Variants in MAGI2 observed in about 807,000 individuals in gnomAD.
MAGI2 encodes the protein membrane-associated guanylate kinase, WW and PDZ domain-containing protein 2.
In MAGI2, 35 loss-of-function variants were observed where a neutral mutation model predicts 133.3. The ratio of observed to expected loss-of-function variants is 0.26; its 90% CI spans 0.20 to 0.35. The LOEUF is 0.35. Among genes scored for constraint, MAGI2 ranks in the 10% least tolerant of loss-of-function variants. The pLI, the probability that MAGI2 is intolerant of heterozygous loss-of-function variation, is 1.00. For missense variants in MAGI2, 1,636 were observed against 1,863.4 expected, an observed-to-expected ratio of 0.88 and a Z score of 2.25; for synonymous variants, 729 against 710.6, an observed-to-expected ratio of 1.03 and a Z score of -0.41.
In MAGI2 at chr7:79,252,484, G is replaced by A. The variant is rs556655018; in HGVS notation, c.301+200536C>T. 4.0e-4 allele frequency among the ~76,000 whole-genome samples: 61 copies of A among 152,188 alleles called. 1 individual carries two copies. The highest frequency in any genetic ancestry group is 1.3e-3 in the African/African-American group (56 of 41,526). On this transcript the variant is annotated intron_variant, in intron 1 of 21. Coordinates refer to ENST00000354212, the MANE Select transcript of MAGI2 (RefSeq NM_012301.4). ...TGAGAGGAGTGGTAGGAAGGGGAAT[G>A]GTTAATGGGTACAAAAATATAATTA... is the stretch of plus-strand genomic sequence containing the variant.
At chr7:78,263,414 C>A (rs1018188701) in intron 9 of MAGI2, among the ~76,000 whole-genome samples, 2 of 152,142 alleles carry the variant, frequency 1.3e-5, no homozygotes, top group Admixed American at 1.3e-4. Flanking sequence ...GAGATTCTTA[C>A]CATCTATTGT....
intron 2 of MAGI2, among the ~76,000 whole-genome samples, chr7:78,932,501 T>C (rs1800213286): frequency 6.6e-6 from 1 of 151,240 alleles, no homozygotes; most frequent in African/African-American, 2.4e-5. Flanking sequence ...GAACAGAAGT[T>C]AATGAAAAAT....
intron 20 of MAGI2, among the ~76,000 whole-genome samples, chr7:78,124,140 T>C (rs1385363279): frequency 6.6e-6 from 1 of 152,206 alleles, no homozygotes; most frequent in Non-Finnish European, 1.5e-5. Context: ...TCTGGCCATT[T>C]TGCACATGGT....
chr7:79,329,567 G>T (rs1839920393), intron 1 of MAGI2, among the ~76,000 whole-genome samples: 1 of 152,154 alleles, frequency 6.6e-6, no homozygotes, highest in South Asian at 2.1e-4. Context: ...TACTTTGACT[G>T]CATAATGTTC....
chr7:78,564,280 C>G (rs1422454070), intron 3 of MAGI2, among the ~76,000 whole-genome samples: 1 of 152,160 alleles, frequency 6.6e-6, no homozygotes, highest in Non-Finnish European at 1.5e-5. Flanking sequence ...AGGCATTAAT[C>G]TGATTTAATC....
intron 2 of MAGI2, among the ~76,000 whole-genome samples, chr7:78,655,452 A>AC (rs1563304903): frequency 2.9e-5 from 2 of 68,408 alleles, no homozygotes; most frequent in East Asian, 4.1e-4. Context: ...AAAAAAAACA[A>AC]CCAAAAAAAA....
chr7:79,235,383 C>A (rs1283081799), intron 1 of MAGI2, among the ~76,000 whole-genome samples: 4 of 152,048 alleles, frequency 2.6e-5, no homozygotes, highest in Admixed American at 6.5e-5. Flanking sequence ...GCGGGCGCCC[C>A]TCCCCCAGCC....
chr7:78,073,349 G>A (rs371080993), intron 21 of MAGI2, among the ~76,000 whole-genome samples: 3 of 151,636 alleles, frequency 2.0e-5, no homozygotes, highest in African/African-American at 7.3e-5. Context: ...ATTAGTTGTC[G>A]CTGGGCCATT....
chr7:78,359,683 T>C (rs560857541), intron 7 of MAGI2, among the ~76,000 whole-genome samples: 108 of 152,284 alleles, frequency 7.1e-4, no homozygotes, highest in Non-Finnish European at 1.3e-3. Context: ...AAAAGAATGG[T>C]AATATATGTT....
chr7:79,054,978 A>G (rs1043119323), intron 1 of MAGI2, among the ~76,000 whole-genome samples: 1 of 152,140 alleles, frequency 6.6e-6, no homozygotes, highest in African/African-American at 2.4e-5. Flanking sequence ...TTTTTAGTAA[A>G]GACGGGGTTT....
rs35069216 is a variant in MAGI2, at chr7:78,564,783, CTTTTTTTTT to C, written c.539-43147_539-43139del. Reference sequence around the variant, plus strand: ...TACTTCATCTCATCTCTTTGACATTCTTTTTTTTTTTTTTTTTTTTTTTTTTTTGAGACG... The same window carrying C: ...TACTTCATCTCATCTCTTTGACATTCTTTTTTTTTTTTTTTTTTTGAGACG... On this transcript the variant is annotated intron_variant, in intron 3 of 21. Coordinates refer to ENST00000354212, the MANE Select transcript of MAGI2 (RefSeq NM_012301.4). Among the ~76,000 whole-genome samples the C allele has an allele frequency of 7.3e-3, 471 of 64,358 alleles. 3 individuals are homozygous for C. Among genetic ancestry groups the C allele is most frequent in the African/African-American group, 0.026 (426 of 16,366 alleles). The allele number at this position is 64,358 out of a possible 152,430, so 42.2% of individuals were successfully genotyped here.
intron 9 of MAGI2, among the ~76,000 whole-genome samples, chr7:78,326,551 T>G (rs192587089): frequency 6.6e-6 from 1 of 152,300 alleles, no homozygotes; most frequent in Non-Finnish European, 1.5e-5. Context: ...GGGTACTCAA[T>G]GCACATGCAA....
chr7:79,123,105 T>C (rs1442983256), intron 1 of MAGI2, among the ~76,000 whole-genome samples: 3 of 152,216 alleles, frequency 2.0e-5, no homozygotes, highest in South Asian at 4.1e-4. Context: ...ATTTGTGGAA[T>C]GCTACTGCAA....
At chr7:78,072,008 G>C (rs560993909) in intron 21 of MAGI2, among the ~76,000 whole-genome samples, 1 of 152,128 alleles carries the variant, frequency 6.6e-6, no homozygotes, top group Non-Finnish European at 1.5e-5. Flanking sequence ...GAGGAGGCAC[G>C]TCAGCACACC....
intron 1 of MAGI2, among the ~76,000 whole-genome samples, chr7:79,443,074 C>A (rs1848596270): frequency 6.6e-6 from 1 of 152,040 alleles, no homozygotes; most frequent in Admixed American, 6.6e-5. Flanking sequence ...GAGTTCAAGA[C>A]CAGCCTGGCC....
chr7:78,430,898 A>G (rs978107900), intron 6 of MAGI2, among the ~76,000 whole-genome samples: 53 of 152,140 alleles, frequency 3.5e-4, no homozygotes, highest in African/African-American at 1.2e-3. Context: ...AGGAGGGGTT[A>G]CTAGTGAAAG....
intron 1 of MAGI2, among the ~76,000 whole-genome samples, chr7:79,288,245 T>C (rs2129558532): frequency 6.6e-6 from 1 of 152,278 alleles, no homozygotes; most frequent in East Asian, 1.9e-4. Flanking sequence ...AGCTTCTTCA[T>C]CTAGAGAATG....
At chr7:79,140,548 A>T (rs1044665468) in intron 1 of MAGI2, among the ~76,000 whole-genome samples, 1 of 152,160 alleles carries the variant, frequency 6.6e-6, no homozygotes, top group African/African-American at 2.4e-5. Flanking sequence ...ACCTTGAAAT[A>T]TGGAAAGGAC....
chr7:78,763,832 G>T (rs575679505), intron 2 of MAGI2, among the ~76,000 whole-genome samples: 1 of 152,272 alleles, frequency 6.6e-6, no homozygotes, highest in South Asian at 2.1e-4. Context: ...TAGAAACCTA[G>T]TTATAGGTTA....
Sources: gnomAD v4.1 joint callset for allele counts (sites outside exome capture counted in the v4.1 genomes callset) on GRCh38, gnomAD v4.1.1 for gene constraint, MANE v1.5 for transcripts, NCBI Gene and HGNC (gene_info 2026-07-23, HGNC 2026-07-21) for gene names.